The following IPO11 variants were observed in gnomAD, a reference collection of about 807,000 sequenced individuals.
IPO11 encodes importin-11.
Under a neutral mutation model 143.2 loss-of-function variants are expected in IPO11, and 66 were observed. The observed-to-expected ratio is 0.46, with a 90% CI of 0.38 to 0.57. IPO11 has a LOEUF of 0.57. Ranked by LOEUF, IPO11 falls within the 20% of genes least tolerant of loss-of-function variation. The probability of loss-of-function intolerance (pLI) is 0.00; values close to 1 mark genes in which losing one functional copy is unlikely to be tolerated. For synonymous variants in IPO11, 385 were observed against 377.8 expected (o/e 1.02, Z -0.22); for missense variants, 1,026 against 1,141.0 (o/e 0.90, Z 1.45).
At chr5:62,594,053 T>A (rs937615955) in intron 28 of IPO11, among the ~76,000 whole-genome samples, 2 of 152,246 alleles carry the variant, frequency 1.3e-5, no homozygotes, top group African/African-American at 4.8e-5. Context: ...AGTTAATCTT[T>A]CTGGTTCTGT....
chr5:62,501,980 G>T (rs1580254381), intron 16 of IPO11, among the ~76,000 whole-genome samples: 1 of 152,204 alleles, frequency 6.6e-6, no homozygotes, highest in South Asian at 2.1e-4. Context: ...CTATGGGCAA[G>T]ATGTAAAAGT....
At chr5:62,429,080 GT>G (rs1743870847) in intron 1 of IPO11, among the ~76,000 whole-genome samples, 1 of 152,220 alleles carries the variant, frequency 6.6e-6, no homozygotes, top group Non-Finnish European at 1.5e-5. Flanking sequence ...CAATTCAGTA[GT>G]TTTTAGTATA....
At position 62,627,344 on chromosome 5, in the gene IPO11, C is replaced by T. The variant is rs1746623230; in HGVS notation, c.*26C>T. The T allele has an allele frequency of 6.3e-7, 1 of 1,590,918 alleles. No homozygotes were observed. On this transcript the variant is annotated 3_prime_UTR_variant, in exon 30 of 30. Transcript: ENST00000325324. ...GAGCACATGACATGTGGCTGCCTCC[C>T]CTTTCAGAAACAAGCTGAGTAACCC...
At chr5:62,431,997 C>T (rs187710600) in intron 1 of IPO11, among the ~76,000 whole-genome samples, 45 of 151,656 alleles carry the variant, frequency 3.0e-4, no homozygotes, top group Middle Eastern at 3.4e-3. Context: ...TACCCTGCTG[C>T]ACCACTCCCG....
At chr5:62,514,424 C>A (rs1211555917) in intron 19 of IPO11, among the ~76,000 whole-genome samples, 1 of 151,892 alleles carries the variant, frequency 6.6e-6, no homozygotes, top group African/African-American at 2.4e-5. Flanking sequence ...ACCCCGTCCC[C>A]ACCAAAAAAA....
rs139613779 is a variant in IPO11, at chr5:62,605,713, GTATTAT to G, written c.2763+3888_2763+3893del. 5.2e-3 allele frequency among the ~76,000 whole-genome samples: 758 copies of G among 146,756 alleles called. 4 individuals carry two copies. The highest frequency in any genetic ancestry group is 0.018 in the African/African-American group (707 of 40,274). On this transcript the variant is annotated intron_variant, in intron 29 of 29. Coordinates refer to ENST00000325324, the MANE Select transcript of IPO11 (RefSeq NM_016338.5). Reference sequence around the variant, plus strand: ...CAACTCTATGATACCAGCTAACAAAGTATTATTATTATTATTATTATTATTATTTTA... The same window carrying G: ...CAACTCTATGATACCAGCTAACAAAGTATTATTATTATTATTATTATTTTA...
chr5:62,582,992 G>A (rs953776636), intron 27 of IPO11, among the ~76,000 whole-genome samples: 2 of 152,050 alleles, frequency 1.3e-5, no homozygotes, highest in South Asian at 2.1e-4. Flanking sequence ...ACCCCAAAGG[G>A]TTTTCAAACA....
chr5:62,498,621 G>C (rs931559321), intron 16 of IPO11, among the ~76,000 whole-genome samples: 3 of 152,164 alleles, frequency 2.0e-5, no homozygotes, highest in Non-Finnish European at 4.4e-5. Flanking sequence ...GGGCACGGTG[G>C]CTCACGCCTG....
chr5:62,602,712 G>C (rs1745551796), intron 29 of IPO11, among the ~76,000 whole-genome samples: 1 of 152,190 alleles, frequency 6.6e-6, no homozygotes, highest in South Asian at 2.1e-4. Context: ...TGCTCTGAGA[G>C]CCTTCTTTTA....
chr5:62,601,079 A>G (rs920588664), intron 28 of IPO11: 4 of 152,224 alleles, frequency 2.6e-5, no homozygotes, highest in Non-Finnish European at 5.9e-5. Flanking sequence ...CTGATAAATT[A>G]CTGAATTCTC....
At chr5:62,447,114 T>A (rs1234498656) in intron 3 of IPO11, among the ~76,000 whole-genome samples, 3 of 152,032 alleles carry the variant, frequency 2.0e-5, no homozygotes, top group African/African-American at 7.2e-5. Flanking sequence ...TATATATATT[T>A]TTTTTTAAGA....
chr5:62,513,977 C>T (rs1305727705), intron 19 of IPO11, among the ~76,000 whole-genome samples: 1 of 150,166 alleles, frequency 6.7e-6, no homozygotes, highest in Middle Eastern at 3.2e-3. Flanking sequence ...GAGGCGCTCC[C>T]CACATCTCAG....
At chr5:62,582,317 T>G (rs559932349) in intron 27 of IPO11, among the ~76,000 whole-genome samples, 5 of 152,194 alleles carry the variant, frequency 3.3e-5, no homozygotes, top group African/African-American at 1.2e-4. Flanking sequence ...ACTTTGAAAG[T>G]AAAATGAACT....
chr5:62,464,099 C>T (rs1372831117), intron 5 of IPO11, among the ~76,000 whole-genome samples: 1 of 149,850 alleles, frequency 6.7e-6, no homozygotes, highest in African/African-American at 2.5e-5. Context: ...GCTGGGATTA[C>T]AGGCGTGAGC....
At chr5:62,585,497 A>C (rs1035111939) in intron 27 of IPO11, among the ~76,000 whole-genome samples, 5 of 152,198 alleles carry the variant, frequency 3.3e-5, no homozygotes, top group Admixed American at 2.6e-4. Flanking sequence ...GTGAAGGTGG[A>C]GAACAATGTG....
At chr5:62,610,453 G>A (rs1406469002) in intron 29 of IPO11, among the ~76,000 whole-genome samples, 2 of 152,106 alleles carry the variant, frequency 1.3e-5, no homozygotes, top group Non-Finnish European at 1.5e-5. Flanking sequence ...TTTTATCCAT[G>A]TGTCTGTCTT....
chr5:62,621,913 A>C (rs1746393874), intron 29 of IPO11, among the ~76,000 whole-genome samples: 2 of 152,178 alleles, frequency 1.3e-5, no homozygotes, highest in Admixed American at 6.5e-5. Flanking sequence ...CCTAGTATGC[A>C]CACAGTAAAG....
intron 5 of IPO11, among the ~76,000 whole-genome samples, chr5:62,455,772 A>T (rs1259990771): frequency 7.4e-5 from 11 of 149,384 alleles, no homozygotes; most frequent in East Asian, 2.0e-4. Context: ...TTTTTTTTTG[A>T]GAGAGAGAGA....
intron 27 of IPO11, among the ~76,000 whole-genome samples, chr5:62,568,426 T>C (rs1483783557): frequency 1.3e-5 from 2 of 151,440 alleles, no homozygotes; most frequent in African/African-American, 4.9e-5. Flanking sequence ...TACAAAAAAT[T>C]AGCAGGGTGT....
Sources: gnomAD v4.1 joint callset for allele counts (sites outside exome capture counted in the v4.1 genomes callset) on GRCh38, gnomAD v4.1.1 for gene constraint, MANE v1.5 for transcripts, NCBI Gene and HGNC (gene_info 2026-07-23, HGNC 2026-07-21) for gene names.